Variants in COMMD1 observed in about 807,000 individuals in gnomAD.
The protein encoded by COMMD1 is copper metabolism domain containing 1, also known as COMM domain-containing protein 1.
Under a neutral mutation model 17.2 loss-of-function variants are expected in COMMD1, and 10 were observed. The observed-to-expected ratio is 0.58, with a 90% CI of 0.36 to 0.99. The LOEUF (loss-of-function observed/expected upper bound fraction) is 0.99. Among genes scored for constraint, COMMD1 ranks in the 50% least tolerant of loss-of-function variants. The pLI is 0.01. For missense variants in COMMD1, 270 were observed against 231.8 expected, an observed-to-expected ratio of 1.17 and a Z score of -1.07; for synonymous variants, 97 against 91.6, an observed-to-expected ratio of 1.06 and a Z score of -0.34.
At chr2:61,988,718 A>G (rs1672168484) in intron 1 of COMMD1, among the ~76,000 whole-genome samples, 2 of 152,118 alleles carry the variant, frequency 1.3e-5, no homozygotes, top group Admixed American at 1.3e-4. Flanking sequence ...TGATCCTAGC[A>G]CAGCTTTTAG....
At chr2:61,985,261 A>C (rs1672074988) in intron 1 of COMMD1, among the ~76,000 whole-genome samples, 1 of 152,140 alleles carries the variant, frequency 6.6e-6, no homozygotes, top group Non-Finnish European at 1.5e-5. Flanking sequence ...CGTGTTAGCC[A>C]GGATGGTCTC....
intron 1 of COMMD1, among the ~76,000 whole-genome samples, chr2:61,893,565 G>A (rs1337476656): frequency 6.6e-6 from 1 of 152,152 alleles, no homozygotes; most frequent in Non-Finnish European, 1.5e-5. Context: ...TGTAATCCCA[G>A]CACTTTGGGA....
intron 1 of COMMD1, among the ~76,000 whole-genome samples, chr2:61,973,695 T>A (rs550995794): frequency 2.9e-4 from 44 of 152,286 alleles, no homozygotes; most frequent in African/African-American, 1.0e-3. Context: ...ATGTCAGTAG[T>A]ATTTTGCTTT....
chr2:61,993,637 GT>G (rs1174875956), intron 1 of COMMD1, among the ~76,000 whole-genome samples: 1 of 152,212 alleles, frequency 6.6e-6, no homozygotes, highest in Non-Finnish European at 1.5e-5. Context: ...TGGAAGTAGT[GT>G]GCTGTGAACA....
intron 2 of COMMD1, among the ~76,000 whole-genome samples, chr2:62,046,517 G>T (rs886916147): frequency 6.6e-6 from 1 of 152,182 alleles, no homozygotes; most frequent in African/African-American, 2.4e-5. Flanking sequence ...GTACATCATG[G>T]TGTTCATTAT....
At chr2:61,942,191 C>T (rs1670767913) in intron 1 of COMMD1, among the ~76,000 whole-genome samples, 1 of 151,932 alleles carries the variant, frequency 6.6e-6, no homozygotes, top group Non-Finnish European at 1.5e-5. Context: ...GCAACCTCCG[C>T]CTCCTAGGTT....
At chr2:61,953,571 T>C (rs1671115655) in intron 1 of COMMD1, among the ~76,000 whole-genome samples, 1 of 151,820 alleles carries the variant, frequency 6.6e-6, no homozygotes, top group South Asian at 2.1e-4. Flanking sequence ...GGTTTCACCA[T>C]GTTCCCCAGG....
At position 62,121,371 on chromosome 2, in the gene COMMD1, CAAAAAAAAA is replaced by C. The variant is rs55789110; in HGVS notation, c.463-14442_463-14434del. Among the ~76,000 whole-genome samples the C allele has an allele frequency of 0.015, 693 of 47,274 alleles. 49 individuals carry two copies. The East Asian group carries it at 0.26, about 18-fold the overall frequency. 31.0% of individuals were successfully genotyped at this position (47,274 alleles called of 152,430 possible). ...GGCAACAGAGTGAGAGACTCTTTCT[CAAAAAAAAA>C]AAAAAAAAAAAAAAAAATTCCTGCC... On this transcript the variant is annotated intron_variant, in intron 2 of 2. Transcript: ENST00000311832.
chr2:61,982,448 C>A (rs1384779853), intron 1 of COMMD1, among the ~76,000 whole-genome samples: 1 of 152,102 alleles, frequency 6.6e-6, no homozygotes, highest in Non-Finnish European at 1.5e-5. Context: ...AGTTTGACTT[C>A]TTCCTTTCCA....
At chr2:61,971,426 A>G (rs1185228899) in intron 1 of COMMD1, among the ~76,000 whole-genome samples, 1 of 152,192 alleles carries the variant, frequency 6.6e-6, no homozygotes, top group Non-Finnish European at 1.5e-5. Flanking sequence ...TGAGCTAGAA[A>G]GTTAGTCCTC....
At chr2:61,962,229 A>G (rs1671360515) in intron 1 of COMMD1, among the ~76,000 whole-genome samples, 1 of 152,090 alleles carries the variant, frequency 6.6e-6, no homozygotes, top group Non-Finnish European at 1.5e-5. Context: ...ATTTTCCACT[A>G]CTTCTGCTTG....
intron 2 of COMMD1, among the ~76,000 whole-genome samples, chr2:62,058,837 A>G (rs950312526): frequency 5.3e-5 from 8 of 151,896 alleles, no homozygotes; most frequent in African/African-American, 1.9e-4. Context: ...CTGGAGTGCA[A>G]TGGCGCAATC....
intron 2 of COMMD1, among the ~76,000 whole-genome samples, chr2:62,036,996 T>C (rs1670057492): frequency 6.6e-6 from 1 of 152,222 alleles, no homozygotes. Context: ...CATTCAAGTA[T>C]ATTTACTTAT....
rs1364915004 is a variant in COMMD1 at position 61,905,721 on chromosome 2, C to G, written c.43C>G (p.Leu15Val). 7 of 1,607,680 alleles carry G rather than the reference C, an allele frequency of 4.4e-6. No individual in the cohort carries two copies. The highest frequency in any genetic ancestry group is 5.1e-6 in the Non-Finnish European group (6 of 1,176,608). Reference protein sequence around the residue: ...ELEGGKPLSGLLNALAQDTFH... With the variant: ...ELEGGKPLSGVLNALAQDTFH... ...TGAGGGTGGCAAACCCCTGAGCGGGCTGCTGAATGCGCTGGCCCAGGACAC... is the reference window on the plus strand; with the variant it reads ...TGAGGGTGGCAAACCCCTGAGCGGGGTGCTGAATGCGCTGGCCCAGGACAC... The change falls in exon 1 of 3, where the codon CTG becomes GTG. Residue 15 changes from leucine (L) to valine (V), a missense_variant. Physicochemically the swap from Leu to Val is conservative, Grantham distance 32. Transcript: ENST00000311832.
intron 2 of COMMD1, among the ~76,000 whole-genome samples, chr2:62,134,943 T>C (rs1042033644): frequency 3.3e-5 from 5 of 152,210 alleles, no homozygotes; most frequent in Admixed American, 6.5e-5. Context: ...CTTTCAGTTA[T>C]CTGGCTCATG....
chr2:61,990,600 C>A (rs577002085), intron 1 of COMMD1, among the ~76,000 whole-genome samples: 2 of 152,184 alleles, frequency 1.3e-5, no homozygotes, highest in Admixed American at 6.5e-5. Context: ...ATTTGACTTA[C>A]AGTTCCATGT....
chr2:62,099,668 C>G (rs906156993), intron 2 of COMMD1, among the ~76,000 whole-genome samples: 1 of 151,706 alleles, frequency 6.6e-6, no homozygotes, highest in African/African-American at 2.4e-5. Context: ...TACAGTGTTT[C>G]AACACTGAGT....
At chr2:62,121,751 A>AG (rs1424253061) in intron 2 of COMMD1, among the ~76,000 whole-genome samples, 1 of 151,888 alleles carries the variant, frequency 6.6e-6, no homozygotes, top group African/African-American at 2.4e-5. Context: ...AAAAAAAAAA[A>AG]AAGAGAGAGA....
At chr2:62,080,559 T>A (rs1203216050) in intron 2 of COMMD1, among the ~76,000 whole-genome samples, 1 of 152,172 alleles carries the variant, frequency 6.6e-6, no homozygotes, top group Non-Finnish European at 1.5e-5. Flanking sequence ...CAATTCTCTT[T>A]AAACAGTCAC....
Sources: allele counts gnomAD v4.1 joint callset (sites outside exome capture counted in the v4.1 genomes callset), GRCh38; gene constraint gnomAD v4.1.1; transcripts MANE v1.5; gene names NCBI Gene and HGNC (gene_info 2026-07-23, HGNC 2026-07-21).